RAMP1: variants seen among roughly 807,000 people sequenced by gnomAD.
RAMP1 encodes the protein receptor activity-modifying protein 1.
A neutral mutation model predicts 8.2 loss-of-function variants in RAMP1; 7 were observed. The observed-to-expected ratio is 0.85, with a 90% CI of 0.49 to 1.60. RAMP1 has a LOEUF of 1.60. RAMP1 is among the 40% of genes most tolerant of loss of function. The pLI is 0.00. For missense variants in RAMP1, 192 were observed against 202.4 expected, an observed-to-expected ratio of 0.95 and a Z score of 0.31; for synonymous variants, 92 against 84.7, an observed-to-expected ratio of 1.09 and a Z score of -0.47.
intron 2 of RAMP1, among the ~76,000 whole-genome samples, chr2:237,906,008 C>G (rs1252725017): frequency 1.1e-5 from 1 of 93,828 alleles, no homozygotes; most frequent in African/African-American, 4.4e-5. Flanking sequence ...AAGACTCTGT[C>G]TCAAAAAAAA....
At chr2:237,872,861 A>G (rs370984032) in intron 1 of RAMP1, among the ~76,000 whole-genome samples, 155 of 152,304 alleles carry the variant, frequency 1.0e-3, no homozygotes, top group African/African-American at 3.5e-3. Flanking sequence ...CTCTACAAAA[A>G]ATAGAAAAAT....
chr2:237,870,151 C>A (rs764952693), intron 1 of RAMP1, among the ~76,000 whole-genome samples: 1 of 152,272 alleles, frequency 6.6e-6, no homozygotes, highest in Non-Finnish European at 1.5e-5. Context: ...TGTGTCATGT[C>A]CCGCCACCCA....
chr2:237,859,700 C>G lies in RAMP1; in HGVS notation c.25C>G (p.Pro9Ala). 1 of 1,512,986 alleles carries G rather than the reference C, an allele frequency of 6.6e-7. No homozygotes were observed. Among genetic ancestry groups the G allele is most frequent in the Non-Finnish European group, 8.8e-7 (1 of 1,131,464 alleles). The allele number at this position is 1,512,986 out of a possible 1,614,324, so 93.7% of individuals were successfully genotyped here. ...CATGGCCCGGGCCCTGTGCCGCCTC[C>G]CGCGGCGCGGCCTCTGGCTGCTCCT... MARALCRL[P>A]RRGLWLLLAH... Residue 9 changes from proline to alanine, a missense_variant, in exon 1 of 3, where the codon CCG (proline) becomes GCG (alanine). Transcript: ENST00000254661.
At position 237,877,316 on chromosome 2, in the gene RAMP1, G is replaced by C. The variant is rs1213120687; in HGVS notation, c.145G>C (p.Glu49Gln). 1.2e-5 allele frequency: 19 copies of C among 1,613,940 alleles called. No individual in the cohort carries two copies. Among genetic ancestry groups the C allele is most frequent in the Non-Finnish European group, 1.6e-5 (19 of 1,180,024 alleles). The stretch of plus-strand genomic sequence containing the variant: ...CCTCACCCAGTTCCAGGTAGACATG[G>C]AGGCCGTCGGGGAGACGCTGTGGTG... ...LCLTQFQVDM[E>Q]AVGETLWCDW... Residue 49 changes from glutamate (E) to glutamine (Q), a missense_variant, in exon 2 of 3, where the codon GAG becomes CAG. Glu to Gln is a conservative substitution (Grantham distance 29, BLOSUM62 2). Coordinates refer to ENST00000254661, the MANE Select transcript of RAMP1 (RefSeq NM_005855.4). This position sits in a 1 kb window ranked among gnomAD's most constrained non-coding sequence, Gnocchi z 4.4.
At chr2:237,908,338 T>A (rs904193730) in intron 2 of RAMP1, among the ~76,000 whole-genome samples, 6 of 152,030 alleles carry the variant, frequency 3.9e-5, no homozygotes, top group African/African-American at 1.4e-4. Flanking sequence ...TTCCTACCCC[T>A]CTTCCCTGTG....
At chr2:237,863,871 C>T (rs1156578826) in intron 1 of RAMP1, among the ~76,000 whole-genome samples, 1 of 151,772 alleles carries the variant, frequency 6.6e-6, no homozygotes, top group Non-Finnish European at 1.5e-5. Flanking sequence ...AATCCCAAAA[C>T]CCCAGGCCCC....
chr2:237,871,628 T>C (rs2062246344), intron 1 of RAMP1, among the ~76,000 whole-genome samples: 1 of 152,180 alleles, frequency 6.6e-6, no homozygotes, highest in African/African-American at 2.4e-5. Flanking sequence ...CCCTGGGCAC[T>C]TCTACCCTCT....
At chr2:237,897,778 G>C (rs200321307) in intron 2 of RAMP1, among the ~76,000 whole-genome samples, 1 of 13,494 alleles carries the variant, frequency 7.4e-5, no homozygotes, top group African/African-American at 1.4e-4. Flanking sequence ...TTGGTTTTTT[G>C]GGGGGGGGTT....
At position 237,878,566 on chromosome 2, in the gene RAMP1, C is replaced by A. The variant is rs1037123727; in HGVS notation, c.191+1204C>A. ...AGCCTGGGTTTGGGCCTCCCTCTAC[C>A]CTCAGAGCCCCGCTGGCCACAGCCT... On this transcript the variant is annotated intron_variant, in intron 2 of 2. Coordinates refer to ENST00000254661, the MANE Select transcript of RAMP1 (RefSeq NM_005855.4). This position sits in a 1 kb window ranked among gnomAD's most constrained non-coding sequence, Gnocchi z 5.7. 6.6e-6 allele frequency among the ~76,000 whole-genome samples: 1 copy of A among 152,210 alleles called. No individual in the cohort carries two copies. The highest frequency in any genetic ancestry group is 1.5e-5 in the Non-Finnish European group (1 of 68,032).
chr2:237,902,297 G>GA (rs1286269498), intron 2 of RAMP1, among the ~76,000 whole-genome samples: 13 of 145,718 alleles, frequency 8.9e-5, no homozygotes, highest in Non-Finnish European at 1.8e-4. Context: ...GGATCGGGAG[G>GA]AGGAGGAGGG....
chr2:237,886,219 G>A (rs1013826245), intron 2 of RAMP1, among the ~76,000 whole-genome samples: 1 of 152,192 alleles, frequency 6.6e-6, no homozygotes, highest in Non-Finnish European at 1.5e-5. Flanking sequence ...CCGCCCCACG[G>A]GGGTGTCGTT....
Position 237,877,169 on chromosome 2 carries a change from T to C in RAMP1, c.53-55T>C. The C allele has an allele frequency of 1.2e-6, 2 of 1,609,974 alleles. No individual in the cohort carries two copies. The highest frequency in any genetic ancestry group is 1.7e-6 in the Non-Finnish European group (2 of 1,179,510). ...GCAGGGGCGCGCGGGCTGGCGGTGA[T>C]ACCCCTAGGCCTCTGCTGCCGCCCG... On this transcript the variant is annotated intron_variant, in intron 1 of 2. Coordinates refer to ENST00000254661, the MANE Select transcript of RAMP1 (RefSeq NM_005855.4). This position sits in a 1 kb window ranked among gnomAD's most constrained non-coding sequence, Gnocchi z 4.4.
At chr2:237,872,206 G>A (rs2062253051) in intron 1 of RAMP1, among the ~76,000 whole-genome samples, 1 of 152,224 alleles carries the variant, frequency 6.6e-6, no homozygotes, top group South Asian at 2.1e-4. Context: ...GCCTGGCACG[G>A]GGAGGAGAGG....
intron 1 of RAMP1, among the ~76,000 whole-genome samples, chr2:237,873,651 C>T (rs571534899): frequency 7.2e-5 from 11 of 152,322 alleles, no homozygotes; most frequent in African/African-American, 2.2e-4. Flanking sequence ...TACCCAGCAA[C>T]CTCTGCACGT....
chr2:237,872,108 T>A (rs2062252028), intron 1 of RAMP1, among the ~76,000 whole-genome samples: 1 of 152,136 alleles, frequency 6.6e-6, no homozygotes, highest in Non-Finnish European at 1.5e-5. Flanking sequence ...GCCTTAAGGA[T>A]GTTAGGGGTT....
intron 2 of RAMP1, among the ~76,000 whole-genome samples, chr2:237,883,021 G>A (rs78879222): frequency 6.6e-6 from 1 of 152,076 alleles, no homozygotes; most frequent in Non-Finnish European, 1.5e-5. Context: ...GGAAAGGCCC[G>A]TCTCTGAGCC....
intron 2 of RAMP1, among the ~76,000 whole-genome samples, chr2:237,896,914 G>T (rs981226212): frequency 5.9e-5 from 9 of 152,180 alleles, no homozygotes; most frequent in Non-Finnish European, 1.3e-4. Context: ...CTCTCAAAGT[G>T]CTGGGGTTGC....
At chr2:237,902,591 G>A (rs74002610) in intron 2 of RAMP1, among the ~76,000 whole-genome samples, 8,083 of 152,078 alleles carry the variant, frequency 0.053, 647 homozygotes, top group African/African-American at 0.17. Context: ...GGGGCCCCCA[G>A]TTCCACGCAG....
intron 2 of RAMP1, among the ~76,000 whole-genome samples, chr2:237,892,233 C>A (rs2062493968): frequency 6.6e-6 from 1 of 151,410 alleles, no homozygotes; most frequent in Non-Finnish European, 1.5e-5. Context: ...CTTTTCTTTT[C>A]CCTCAATTGT....
Sources: gnomAD v4.1 joint callset for allele counts (sites outside exome capture counted in the v4.1 genomes callset) on GRCh38, gnomAD v4.1.1 for gene constraint, Gnocchi (gnomAD v3.1) non-coding constraint, MANE v1.5 for transcripts, NCBI Gene and HGNC (gene_info 2026-07-23, HGNC 2026-07-21) for gene names.